USP32: variants seen among roughly 807,000 people sequenced by gnomAD.
The protein encoded by USP32 is ubiquitin carboxyl-terminal hydrolase 32.
Under a neutral mutation model 204.8 loss-of-function variants are expected in USP32, and 59 were observed. That is an observed-to-expected ratio of 0.29 (90% CI 0.23 to 0.36). USP32 has a LOEUF of 0.36. USP32 is among the 10% of genes least tolerant of loss of function. The pLI is 1.00. For synonymous variants in USP32, 517 were observed against 678.4 expected (o/e 0.76, Z 3.70); for missense variants, 1,160 against 1,946.4 (o/e 0.60, Z 7.60).
At chr17:60,284,746 C>G (rs1467019724) in intron 5 of USP32, among the ~76,000 whole-genome samples, 1 of 151,304 alleles carries the variant, frequency 6.6e-6, no homozygotes, top group Non-Finnish European at 1.5e-5. Context: ...GCTCCTTGAC[C>G]AAATTTTTTA....
At chr17:60,271,568 T>C (rs2086726068) in intron 5 of USP32, 87 bp from the exon 6 acceptor site, 6 of 1,315,056 alleles carry the variant, frequency 4.6e-6, no homozygotes, top group African/African-American at 1.5e-5. Context: ...CTTCCACAGA[T>C]ATATTTTAGT....
intron 11 of USP32, among the ~76,000 whole-genome samples, chr17:60,241,204 G>A (rs748821396): frequency 2.0e-5 from 3 of 152,010 alleles, no homozygotes; most frequent in Non-Finnish European, 4.4e-5. Context: ...CCATCATGTT[G>A]GCCAGGCTGG....
chr17:60,296,921 G>T (rs936995920), intron 3 of USP32, among the ~76,000 whole-genome samples: 2 of 152,238 alleles, frequency 1.3e-5, no homozygotes, highest in Admixed American at 1.3e-4. Context: ...GGTCATGAGG[G>T]GATGGGCAGT....
chr17:60,288,488 AG>A (rs1211430976), intron 5 of USP32, 34 bp downstream of exon 5: 3 of 1,558,038 alleles, frequency 1.9e-6, no homozygotes, highest in African/African-American at 1.4e-5. Context: ...ATATAAAAAA[AG>A]GCAAACAGAA....
At chr17:60,223,680 C>T (rs1161428233) in intron 13 of USP32, 94 bp from the exon 14 acceptor site, 8 of 1,070,110 alleles carry the variant, frequency 7.5e-6, no homozygotes, top group Admixed American at 5.7e-5. Context: ...TATTGTATTA[C>T]TCTGTTGACA....
At chr17:60,197,578 C>T (rs951256725) in intron 27 of USP32, among the ~76,000 whole-genome samples, 7 of 151,782 alleles carry the variant, frequency 4.6e-5, no homozygotes, top group Non-Finnish European at 7.4e-5. Flanking sequence ...CACTCCAATC[C>T]GGGCAACAAG....
chr17:60,239,046 T>A (rs565376637), intron 11 of USP32, among the ~76,000 whole-genome samples: 1 of 152,290 alleles, frequency 6.6e-6, no homozygotes, highest in Non-Finnish European at 1.5e-5. Flanking sequence ...GTGCTACAAC[T>A]AACATTCCAC....
At chr17:60,370,779 A>G (rs2146085710) in intron 1 of USP32, among the ~76,000 whole-genome samples, 1 of 151,638 alleles carries the variant, frequency 6.6e-6, no homozygotes. Flanking sequence ...AAAAAAAAAA[A>G]AAAAGAAGAA....
intron 30 of USP32, among the ~76,000 whole-genome samples, chr17:60,184,420 T>G (rs2084195287): frequency 6.6e-6 from 1 of 152,128 alleles, no homozygotes; most frequent in Non-Finnish European, 1.5e-5. Flanking sequence ...ACCAATGTTA[T>G]TAATTTCTTG....
intron 2 of USP32, among the ~76,000 whole-genome samples, chr17:60,306,080 CAAAAAGAAAA>C (rs957476604): frequency 2.0e-5 from 3 of 147,240 alleles, no homozygotes; most frequent in Admixed American, 6.7e-5. Context: ...TTTTTTCACT[CAAAAAGAAAA>C]AAAAAGGAAA....
chr17:60,224,508 G>A (rs2085333851), intron 13 of USP32, among the ~76,000 whole-genome samples: 1 of 152,218 alleles, frequency 6.6e-6, no homozygotes, highest in Admixed American at 6.5e-5. Flanking sequence ...ACACACGCCA[G>A]GAGGAATGGC....
At chr17:60,309,353 AT>A (rs992000418) in intron 2 of USP32, among the ~76,000 whole-genome samples, 1 of 152,182 alleles carries the variant, frequency 6.6e-6, no homozygotes, top group African/African-American at 2.4e-5. Flanking sequence ...AATTCCCAGC[AT>A]TTTGGGAGGC....
intron 7 of USP32, among the ~76,000 whole-genome samples, chr17:60,267,693 G>A (rs1256130577): frequency 6.6e-6 from 1 of 151,940 alleles, no homozygotes; most frequent in Non-Finnish European, 1.5e-5. Context: ...GCTAACTTTT[G>A]TATTTCTAGT....
chr17:60,277,900 AT>A (rs1374918440), intron 5 of USP32, among the ~76,000 whole-genome samples: 6 of 151,504 alleles, frequency 4.0e-5, no homozygotes, highest in East Asian at 1.9e-4. Flanking sequence ...TATTAAAAAA[AT>A]AACTTAATAA....
At chr17:60,262,199 T>G (rs118043345) in intron 9 of USP32, among the ~76,000 whole-genome samples, 426 of 151,554 alleles carry the variant, frequency 2.8e-3, no homozygotes, top group Admixed American at 4.3e-3. Context: ...ATGTATGTAT[T>G]TATTTATTTG....
At chr17:60,420,405 C>A (rs1051472046) in intron 1 of USP32, among the ~76,000 whole-genome samples, 3 of 151,730 alleles carry the variant, frequency 2.0e-5, no homozygotes, top group African/African-American at 7.3e-5. Flanking sequence ...CGGTGGCTCA[C>A]GCCTGTAATC....
intron 1 of USP32, among the ~76,000 whole-genome samples, chr17:60,409,412 C>G (rs2090002475): frequency 6.6e-6 from 1 of 152,178 alleles, no homozygotes; most frequent in African/African-American, 2.4e-5. Flanking sequence ...GCACGTCGGG[C>G]AGTGAGCCCA....
intron 1 of USP32, 120 bp from the exon 2 acceptor site, chr17:60,345,728 TC>T: frequency 7.6e-7 from 1 of 1,312,294 alleles, no homozygotes; most frequent in Non-Finnish European, 1.1e-6. Context: ...ACGCCTATAA[TC>T]CCAGTACTTT....
At chr17:60,368,304 C>T (rs1258548526) in intron 1 of USP32, among the ~76,000 whole-genome samples, 7 of 152,222 alleles carry the variant, frequency 4.6e-5, no homozygotes, top group Admixed American at 1.3e-4. Context: ...AATTTTTTAA[C>T]GCAATAGAAT....
Sources: allele counts gnomAD v4.1 joint callset (sites outside exome capture counted in the v4.1 genomes callset), GRCh38; gene constraint gnomAD v4.1.1; transcripts MANE v1.5; gene names NCBI Gene and HGNC (gene_info 2026-07-23, HGNC 2026-07-21).